Variants in SKOR1 observed in about 807,000 individuals in gnomAD.
The protein encoded by SKOR1 is SKI family transcriptional corepressor 1, also known as LBX1 corepressor 1.
In SKOR1, 38 loss-of-function variants were observed where a neutral mutation model predicts 72.4. The observed-to-expected ratio is 0.52, with a 90% CI of 0.40 to 0.69. The LOEUF (loss-of-function observed/expected upper bound fraction) is 0.69, where lower values mean the gene tolerates loss of function less well. Ranked by LOEUF, SKOR1 falls within the 30% of genes least tolerant of loss-of-function variation. The probability of loss-of-function intolerance (pLI) is 0.00; values close to 1 mark genes in which losing one functional copy is unlikely to be tolerated. For synonymous variants in SKOR1, 642 were observed against 599.4 expected (o/e 1.07, Z -1.04); for missense variants, 1,320 against 1,343.2 (o/e 0.98, Z 0.27).
Position 67,827,569 on chromosome 15 carries a change from C to A in SKOR1, c.1741C>A (p.Pro581Thr). ...LPPPLAPLPP[P>T]PPPPARKGSY... ...ACCGCCCCTGGCCCCGTTGCCCCCG[C>A]CGCCCCCGCCGCCCGCACGCAAAGG... The change falls in exon 2 of 9, where the codon CCG becomes ACG. Residue 581 changes from proline (P) to threonine (T), a missense_variant. Transcript: ENST00000380035. 1 of 1,518,624 alleles carries A rather than the reference C, an allele frequency of 6.6e-7. No homozygotes were observed. The highest frequency in any genetic ancestry group is 8.8e-7 in the Non-Finnish European group (1 of 1,140,642). The allele number at this position is 1,518,624 out of a possible 1,614,324, so 94.1% of individuals were successfully genotyped here.
rs892843192 is a variant in SKOR1 at position 67,827,569 on chromosome 15, C to T, written c.1741C>T (p.Pro581Ser). The T allele has an allele frequency of 4.6e-6, 7 of 1,518,516 alleles. No individual in the cohort carries two copies. The highest frequency in any genetic ancestry group is 4.2e-5 in the African/African-American group (3 of 71,076). The allele number at this position is 1,518,516 out of a possible 1,614,324, so 94.1% of individuals were successfully genotyped here. A position where few individuals can be genotyped will look rare whatever the true frequency, so the allele number is the denominator to read the frequency against. Reference protein sequence around the residue: ...LPPPLAPLPPPPPPPARKGSY... With the variant: ...LPPPLAPLPPSPPPPARKGSY... ...ACCGCCCCTGGCCCCGTTGCCCCCGCCGCCCCCGCCGCCCGCACGCAAAGG... is the reference window on the plus strand; with the variant it reads ...ACCGCCCCTGGCCCCGTTGCCCCCGTCGCCCCCGCCGCCCGCACGCAAAGG... Residue 581 changes from proline to serine, a missense_variant, in exon 2 of 9, where the codon CCG becomes TCG. Physicochemically the swap from Pro to Ser is moderately conservative, Grantham distance 74. This residue lies in a region of SKOR1 where 1,099 missense variants were observed against 1,025.5 expected (regional missense o/e 1.07). Transcript: ENST00000380035.
In SKOR1 at chr15:67,833,371, T is replaced by C; in HGVS notation, c.2803+114T>C. The C allele has an allele frequency of 9.1e-7, 1 of 1,103,756 alleles. No homozygotes were observed. The allele number at this position is 1,103,756 out of a possible 1,614,324, so 68.4% of individuals were successfully genotyped here. Reference sequence around the variant, plus strand: ...AGGCCACGATCCACGTGGATCAGGATCTGTGAGGGAGAAAAGTGGGAACTG... The same window carrying C: ...AGGCCACGATCCACGTGGATCAGGACCTGTGAGGGAGAAAAGTGGGAACTG... On this transcript the variant is annotated intron_variant, in intron 8 of 8. Transcript: ENST00000380035. The surrounding 1 kb of genome is among the most constrained non-coding windows in gnomAD (Gnocchi z 6.0).
Position 67,832,875 on chromosome 15 carries a change from T to TTA in SKOR1, c.2737+195_2737+196dup, listed in dbSNP as rs1307093985. The TTA allele has an allele frequency of 1.7e-6, 1 of 605,020 alleles. No individual in the cohort carries two copies. Among genetic ancestry groups the TTA allele is most frequent in the African/African-American group, 1.9e-5 (1 of 53,984 alleles). The allele number at this position is 605,020 out of a possible 1,614,324, so 37.5% of individuals were successfully genotyped here. On this transcript the variant is annotated intron_variant, in intron 7 of 8. Coordinates refer to ENST00000380035, the MANE Select transcript of SKOR1 (RefSeq NM_001365915.1). The surrounding 1 kb of genome is among the most constrained non-coding windows in gnomAD (Gnocchi z 4.5). ...CCCAGCAAACGGCTTGCAGGCATCA[T>TTA]TACATGGAGTGATTGAACTTCTTAT...
chr15:67,829,205 C>T lies in SKOR1; in HGVS notation c.2343C>T (p.His781=). Residue 781 remains histidine, a synonymous_variant, in exon 3 of 9, where the codon CAC becomes CAT. Coordinates refer to ENST00000380035, the MANE Select transcript of SKOR1 (RefSeq NM_001365915.1). ...AKVFAPERDE[H]VKSAAVALGP... is the part of the protein sequence containing the mutation. ...TGTTCGCGCCCGAGAGGGATGAGCA[C>T]GTGAAGAGCGCGGCGGTGGCGCTGG... is the stretch of plus-strand genomic sequence containing the variant. 6.3e-7 allele frequency: 1 copy of T among 1,574,842 alleles called. No individual in the cohort carries two copies. Among genetic ancestry groups the T allele is most frequent in the Non-Finnish European group, 8.6e-7 (1 of 1,167,820 alleles).
Position 67,828,132 on chromosome 15 carries a change from C to G in SKOR1, c.2304C>G (p.Pro768=), listed in dbSNP as rs765854785. ...LREPCGPLGG[P]APAKVFAPER... ...AGCCTTGCGGGCCCCTAGGAGGCCC[C>G]GCGCCGGCCAAGGTGAGCCCCGCGC... Residue 768 remains proline (P), a synonymous_variant, in exon 2 of 9, where the codon CCC becomes CCG. Coordinates refer to ENST00000380035, the MANE Select transcript of SKOR1 (RefSeq NM_001365915.1). 8 of 1,486,232 alleles carry G rather than the reference C, an allele frequency of 5.4e-6. No individual in the cohort carries two copies. In the South Asian group the frequency reaches 7.7e-5, roughly 14 times the overall value. 92.1% of individuals were successfully genotyped at this position (1,486,232 alleles called of 1,614,324 possible).
Position 67,827,854 on chromosome 15 carries a change from G to A in SKOR1, c.2026G>A (p.Glu676Lys). Residue 676 changes from glutamate (E) to lysine (K), a missense_variant, in exon 2 of 9, where the codon GAG becomes AAG. By Grantham distance (56) the Glu-to-Lys change is moderately conservative. Around this residue, in one of 3 missense-constraint regions of SKOR1, gnomAD observed 1,099 missense variants for 1,025.5 expected, o/e 1.07. Coordinates refer to ENST00000380035, the MANE Select transcript of SKOR1 (RefSeq NM_001365915.1). ...CTTCCCCGACGACGAGGACGCCCAAGAGGAGACCGAGCCCAGCGCACCCAG... is the reference window on the plus strand; with the variant it reads ...CTTCCCCGACGACGAGGACGCCCAAAAGGAGACCGAGCCCAGCGCACCCAG... ...NRFPDDEDAQ[E>K]ETEPSAPSAG... 6.2e-7 allele frequency: 1 copy of A among 1,600,240 alleles called. No individual in the cohort carries two copies. Among genetic ancestry groups the A allele is most frequent in the South Asian group, 1.1e-5 (1 of 89,024 alleles).
intron 2 of SKOR1, among the ~76,000 whole-genome samples, chr15:67,828,634 A>T (rs1199427749): frequency 6.6e-6 from 1 of 151,964 alleles, no homozygotes; most frequent in East Asian, 1.9e-4. Context: ...CAGTTTTCCG[A>T]GTCTCTTCGC....
chr15:67,833,159 G>A lies in SKOR1; in HGVS notation c.2738-33G>A, dbSNP rs1373891550. 7 of 1,613,364 alleles carry A rather than the reference G, an allele frequency of 4.3e-6. No homozygotes were observed. The highest frequency in any genetic ancestry group is 2.2e-5 in the East Asian group (1 of 44,862). ...CCCGGCCTTTCGGAGGGTGGTCTGC[G>A]TTTCCTCACTGGCCCCTCCCCTTGT... On this transcript the variant is annotated intron_variant, in intron 7 of 8. Transcript: ENST00000380035. The surrounding 1 kb of genome is among the most constrained non-coding windows in gnomAD (Gnocchi z 6.0).
Position 67,832,552 on chromosome 15 carries a change from T to A in SKOR1, c.2663-55T>A, listed in dbSNP as rs1161167880. On this transcript the variant is annotated intron_variant, in intron 6 of 8. Transcript: ENST00000380035. The surrounding 1 kb of genome is among the most constrained non-coding windows in gnomAD (Gnocchi z 4.5). ...AAAGGGGGGGCCAGGAGTGAGAAAG[T>A]GGAGCCGGGAGAGGGGGCTGTGCGT... 6.5e-7 allele frequency: 1 copy of A among 1,530,592 alleles called. No individual in the cohort carries two copies. The highest frequency in any genetic ancestry group is 9.0e-7 in the Non-Finnish European group (1 of 1,107,928). The allele number at this position is 1,530,592 out of a possible 1,614,324, so 94.8% of individuals were successfully genotyped here.
rs563992611 is a variant in SKOR1 at position 67,825,793 on chromosome 15, T to C, written c.107+84T>C. 2 of 1,486,568 alleles carry C rather than the reference T, an allele frequency of 1.3e-6. No individual in the cohort carries two copies. The highest frequency in any genetic ancestry group is 2.3e-5 in the South Asian group (2 of 85,398). 92.1% of individuals were successfully genotyped at this position (1,486,568 alleles called of 1,614,324 possible). A position where few individuals can be genotyped will look rare whatever the true frequency, so the allele number is the denominator to read the frequency against. ...ATGGGTCTGAGTAACAAAAGACGCC[T>C]GTCCAGGGGGTGAATGAGTTTGGAC... is the stretch of plus-strand genomic sequence containing the variant. On this transcript the variant is annotated intron_variant, in intron 1 of 8. Coordinates refer to ENST00000380035, the MANE Select transcript of SKOR1 (RefSeq NM_001365915.1). The surrounding 1 kb of genome is among the most constrained non-coding windows in gnomAD (Gnocchi z 5.6).
At chr15:67,831,908 G>GC (rs945252860) in intron 5 of SKOR1, among the ~76,000 whole-genome samples, 1 of 148,034 alleles carries the variant, frequency 6.8e-6, no homozygotes, top group Non-Finnish European at 1.5e-5. Context: ...CGGTGCGGGG[G>GC]GGGGAGGTCG....
In SKOR1 at chr15:67,825,781, A is replaced by C; in HGVS notation, c.107+72A>C. The stretch of plus-strand genomic sequence containing the variant: ...AACGGCGCCAACATGGGTCTGAGTA[A>C]CAAAAGACGCCTGTCCAGGGGGTGA... On this transcript the variant is annotated intron_variant, in intron 1 of 8. Coordinates refer to ENST00000380035, the MANE Select transcript of SKOR1 (RefSeq NM_001365915.1). This position sits in a 1 kb window ranked among gnomAD's most constrained non-coding sequence, Gnocchi z 5.6. 7.1e-7 allele frequency: 1 copy of C among 1,417,182 alleles called. No homozygotes were observed. Among genetic ancestry groups the C allele is most frequent in the Admixed American group, 1.9e-5 (1 of 52,474 alleles). The allele number at this position is 1,417,182 out of a possible 1,614,324, so 87.8% of individuals were successfully genotyped here. A position where few individuals can be genotyped will look rare whatever the true frequency, so the allele number is the denominator to read the frequency against.
In SKOR1 at chr15:67,832,291, C is replaced by G; in HGVS notation, c.2605C>G (p.Leu869Val). 6.2e-7 allele frequency: 1 copy of G among 1,614,148 alleles called. No individual in the cohort carries two copies. The highest frequency in any genetic ancestry group is 8.5e-7 in the Non-Finnish European group (1 of 1,180,026). The change falls in exon 6 of 9, where the codon CTC (leucine) becomes GTC (valine). Residue 869 changes from leucine (L) to valine (V), a missense_variant. By Grantham distance (32) the Leu-to-Val change is conservative. Transcript: ENST00000380035. This position sits in a 1 kb window ranked among gnomAD's most constrained non-coding sequence, Gnocchi z 4.5. ...NLAREELQKLLLEQMELRKKL... is the reference protein window; with the variant it reads ...NLAREELQKLVLEQMELRKKL... ...TTTCACAGAGGAATTGCAAAAACTG[C>G]TCCTGGAACAAATGGAGCTCCGCAA... is the stretch of plus-strand genomic sequence containing the variant.
chr15:67,827,716 A>G lies in SKOR1; in HGVS notation c.1888A>G (p.Ser630Gly). ...PARGPGPGAGSGGYVSPDFLS... is the reference protein window; with the variant it reads ...PARGPGPGAGGGGYVSPDFLS... ...TCGGGGGCCGGGACCCGGCGCTGGG[A>G]GCGGCGGCTACGTGAGCCCGGACTT... is the stretch of plus-strand genomic sequence containing the variant. The change falls in exon 2 of 9, where the codon AGC (serine) becomes GGC (glycine). Residue 630 changes from serine to glycine, a missense_variant. Coordinates refer to ENST00000380035, the MANE Select transcript of SKOR1 (RefSeq NM_001365915.1). The G allele has an allele frequency of 6.5e-7, 1 of 1,542,270 alleles. No homozygotes were observed. Among genetic ancestry groups the G allele is most frequent in the Non-Finnish European group, 8.7e-7 (1 of 1,143,326 alleles).
At chr15:67,830,951 G>C in intron 5 of SKOR1, 62 bp downstream of exon 5, 4 of 1,520,670 alleles carry the variant, frequency 2.6e-6, no homozygotes, top group South Asian at 1.1e-5. Context: ...CATTCCTGTA[G>C]AGGGGTGTTA....
intron 2 of SKOR1, 64 bp downstream of exon 2, chr15:67,828,208 G>A (rs1597017156): frequency 1.5e-6 from 2 of 1,363,912 alleles, no homozygotes; most frequent in Non-Finnish European, 1.9e-6. Context: ...GCAGGGCTGC[G>A]GGGCCGGGCG....
At position 67,825,799 on chromosome 15, in the gene SKOR1, G is replaced by T. The variant is rs1222502878; in HGVS notation, c.107+90G>T. On this transcript the variant is annotated intron_variant, in intron 1 of 8. Coordinates refer to ENST00000380035, the MANE Select transcript of SKOR1 (RefSeq NM_001365915.1). The surrounding 1 kb of genome is among the most constrained non-coding windows in gnomAD (Gnocchi z 5.6). ...CTGAGTAACAAAAGACGCCTGTCCA[G>T]GGGGTGAATGAGTTTGGACTCCCCA... 18 of 1,498,058 alleles carry T rather than the reference G, an allele frequency of 1.2e-5. No homozygotes were observed. Among genetic ancestry groups the T allele is most frequent in the Non-Finnish European group, 1.5e-5 (17 of 1,098,198 alleles). 92.8% of individuals were successfully genotyped at this position (1,498,058 alleles called of 1,614,324 possible). A position where few individuals can be genotyped will look rare whatever the true frequency, so the allele number is the denominator to read the frequency against.
intron 3 of SKOR1, 143 bp downstream of exon 3, chr15:67,829,412 G>A: frequency 1.3e-6 from 1 of 748,506 alleles, no homozygotes; most frequent in Admixed American, 2.9e-5. Flanking sequence ...AAACAAGGAA[G>A]CTAAGCTAGT....
In SKOR1 at chr15:67,827,273, C is replaced by T; in HGVS notation, c.1445C>T (p.Ala482Val). 10 of 1,580,202 alleles carry T rather than the reference C, an allele frequency of 6.3e-6. 1 individual carries two copies. Among genetic ancestry groups the T allele is most frequent in the Non-Finnish European group, 8.5e-6 (10 of 1,171,524 alleles). Residue 482 changes from alanine (A) to valine (V), a missense_variant, in exon 2 of 9, where the codon GCC (alanine) becomes GTC (valine). By Grantham distance (64) the Ala-to-Val change is moderately conservative. Around this residue, in one of 3 missense-constraint regions of SKOR1, gnomAD observed 1,099 missense variants for 1,025.5 expected, o/e 1.07. Coordinates refer to ENST00000380035, the MANE Select transcript of SKOR1 (RefSeq NM_001365915.1). ...GCAGTGGCTGCAGCGGCCGCCGCCG[C>T]CACTGTGTACCCGACGTTTCCCATG... ...AAAVAAAAAAATVYPTFPMFW... is the reference protein window; with the variant it reads ...AAAVAAAAAAVTVYPTFPMFW...
Sources: allele counts gnomAD v4.1 joint callset (sites outside exome capture counted in the v4.1 genomes callset), GRCh38; gene constraint gnomAD v4.1.1; regional missense constraint gnomAD v4.1.1; non-coding constraint Gnocchi (gnomAD v3.1); transcripts MANE v1.5; gene names NCBI Gene and HGNC (gene_info 2026-07-23, HGNC 2026-07-21).